LRP2: variants seen among roughly 807,000 people sequenced by gnomAD.
LRP2 encodes the protein LDL receptor related protein 2.
LRP2 carries 172 observed loss-of-function variants against 531.0 expected under a neutral mutation model. The observed-to-expected ratio is 0.32, with a 90% CI of 0.29 to 0.37. LRP2 has a LOEUF of 0.37. Among genes scored for constraint, LRP2 ranks in the 10% least tolerant of loss-of-function variants. The pLI is 1.00. For missense variants in LRP2, 5,167 were observed against 5,868.3 expected (o/e 0.88, Z 3.90); for synonymous variants, 1,992 against 2,027.6 (o/e 0.98, Z 0.47).
chr2:169,184,640 G>A (rs1687562759), intron 50 of LRP2, among the ~76,000 whole-genome samples: 1 of 152,160 alleles, frequency 6.6e-6, no homozygotes. Flanking sequence ...TCACTGGCCT[G>A]CCTTAAAGAC....
At chr2:169,175,141 T>C in intron 55 of LRP2, 52 bp downstream of exon 55, 1 of 1,559,268 alleles carries the variant, frequency 6.4e-7, no homozygotes, top group African/African-American at 1.4e-5. Flanking sequence ...ATCATGATCG[T>C]ATACAATCAA....
intron 2 of LRP2, among the ~76,000 whole-genome samples, chr2:169,320,214 G>C (rs1370094138): frequency 6.6e-6 from 1 of 152,168 alleles, no homozygotes; most frequent in East Asian, 1.9e-4. Context: ...GAATGTGAAA[G>C]TCATTTTATA....
chr2:169,221,118 A>G (rs1479776453), intron 33 of LRP2, among the ~76,000 whole-genome samples: 1 of 152,210 alleles, frequency 6.6e-6, no homozygotes, highest in Non-Finnish European at 1.5e-5. Context: ...ATCTGAGGCA[A>G]ATAAATTCAC....
intron 1 of LRP2, among the ~76,000 whole-genome samples, chr2:169,349,324 A>G (rs1194666548): frequency 6.6e-6 from 1 of 152,150 alleles, no homozygotes; most frequent in African/African-American, 2.4e-5. Context: ...GCACCATCTG[A>G]GGCAAGAGCA....
At chr2:169,350,629 C>T (rs928701094) in intron 1 of LRP2, among the ~76,000 whole-genome samples, 1 of 144,974 alleles carries the variant, frequency 6.9e-6, no homozygotes, top group African/African-American at 2.6e-5. Context: ...GAGGCTGAGG[C>T]AGGAGAATCG....
chr2:169,183,607 G>A (rs889777115), intron 50 of LRP2, among the ~76,000 whole-genome samples: 1 of 152,154 alleles, frequency 6.6e-6, no homozygotes, highest in Non-Finnish European at 1.5e-5. Flanking sequence ...CTACTCTGTT[G>A]AGCTTACTGC....
rs541553479 is a variant in LRP2 at position 169,237,681 on chromosome 2, G to T, written c.4507-394C>A. Reference sequence around the variant, plus strand: ...GAATTACAAAATAAAGTTGTAAGAGGCAGAGGAAATGTAACTATCAGGAGC... The same window carrying T: ...GAATTACAAAATAAAGTTGTAAGAGTCAGAGGAAATGTAACTATCAGGAGC... On this transcript the variant is annotated intron_variant, in intron 27 of 78. Coordinates refer to ENST00000649046, the MANE Select transcript of LRP2 (RefSeq NM_004525.3). Among the ~76,000 whole-genome samples the T allele has an allele frequency of 5.3e-5, 8 of 152,288 alleles. No homozygotes were observed. The South Asian group carries it at 1.7e-3, about 32-fold the overall frequency.
intron 16 of LRP2, among the ~76,000 whole-genome samples, chr2:169,264,155 T>C (rs1690694378): frequency 6.6e-6 from 1 of 152,056 alleles, no homozygotes; most frequent in East Asian, 1.9e-4. Flanking sequence ...GATGACGAGT[T>C]AGTGGGTGCA....
intron 4 of LRP2, among the ~76,000 whole-genome samples, chr2:169,297,730 T>C (rs76155013): frequency 0.026 from 3,999 of 152,246 alleles, 179 homozygotes; most frequent in African/African-American, 0.091. Context: ...TCTGTTTACA[T>C]AATCAGGGAG....
chr2:169,193,927 G>T, intron 46 of LRP2, 35 bp from the exon 47 acceptor site: 1 of 1,613,768 alleles, frequency 6.2e-7, no homozygotes, highest in South Asian at 1.1e-5. Context: ...GTGAAAAAAA[G>T]TGGTTTACAG....
chr2:169,188,354 T>C lies in LRP2; in HGVS notation c.9033-89A>G, dbSNP rs530197518. 5 of 1,246,426 alleles carry C rather than the reference T, an allele frequency of 4.0e-6. No individual in the cohort carries two copies. The Admixed American group carries it at 8.7e-5, about 22-fold the overall frequency. The allele number at this position is 1,246,426 out of a possible 1,614,324, so 77.2% of individuals were successfully genotyped here. ...TTGGGGTTTTGCTTCCTTCTTTATC[T>C]ACCTAAATGCCAGGTCAACCATTTC... On this transcript the variant is annotated intron_variant, in intron 48 of 78. Coordinates refer to ENST00000649046, the MANE Select transcript of LRP2 (RefSeq NM_004525.3).
At chr2:169,338,261 CAA>C (rs984352626) in intron 1 of LRP2, among the ~76,000 whole-genome samples, 5 of 111,290 alleles carry the variant, frequency 4.5e-5, no homozygotes, top group African/African-American at 1.8e-4. Flanking sequence ...GAAAGAAAAA[CAA>C]AGAAAGAAAG....
At chr2:169,359,823 A>G (rs766029126) in intron 1 of LRP2, among the ~76,000 whole-genome samples, 5 of 152,080 alleles carry the variant, frequency 3.3e-5, no homozygotes, top group Non-Finnish European at 7.4e-5. Flanking sequence ...TTTTTGTACA[A>G]AAGAAAAAAG....
At position 169,201,575 on chromosome 2, in the gene LRP2, G is replaced by C. The variant is rs1042737757; in HGVS notation, c.8452+53C>G. On this transcript the variant is annotated intron_variant, in intron 44 of 78. Transcript: ENST00000649046. ...TTTTTATATAATAATTTCATCTCCT[G>C]TGATCCAAGACTTCAGACCCAAAAT... 3.1e-6 allele frequency: 5 copies of C among 1,611,568 alleles called. No homozygotes were observed. In the African/African-American group the frequency reaches 5.3e-5, roughly 17 times the overall value.
At position 169,146,074 on chromosome 2, in the gene LRP2, T is replaced by C. The variant is rs904618876; in HGVS notation, c.12812-151A>G. On this transcript the variant is annotated intron_variant, in intron 69 of 78. Coordinates refer to ENST00000649046, the MANE Select transcript of LRP2 (RefSeq NM_004525.3). ...GCTCTGGGAATATTCAGGCTGACTTTAGCTACATGGGACTGTGAAAGTGTG... is the reference window on the plus strand; with the variant it reads ...GCTCTGGGAATATTCAGGCTGACTTCAGCTACATGGGACTGTGAAAGTGTG... 14 of 745,844 alleles carry C rather than the reference T, an allele frequency of 1.9e-5. No homozygotes were observed. In the African/African-American group the frequency reaches 2.1e-4, roughly 11 times the overall value. The allele number at this position is 745,844 out of a possible 1,614,324, so 46.2% of individuals were successfully genotyped here.
At position 169,238,293 on chromosome 2, in the gene LRP2, C is replaced by T; in HGVS notation, c.4304G>A (p.Ser1435Asn). The T allele has an allele frequency of 6.2e-7, 1 of 1,612,980 alleles. No individual in the cohort carries two copies. The highest frequency in any genetic ancestry group is 8.5e-7 in the Non-Finnish European group (1 of 1,179,004). Residue 1435 changes from serine (S) to asparagine (N), a missense_variant, in exon 27 of 79, where the codon AGT becomes AAT. Ser to Asn is a conservative substitution (Grantham distance 46, BLOSUM62 1). This residue lies in a region of LRP2 where 2,811 missense variants were observed against 3,058.0 expected (regional missense o/e 0.92). Coordinates refer to ENST00000649046, the MANE Select transcript of LRP2 (RefSeq NM_004525.3). ...GRTCKVTASE[S>N]LLLLVASQNK... Reference sequence around the variant, plus strand: ...CTGACTTGCCACAAGTAACAGCAGACTCTCAGATGCTGTTCAAGAAAAAAA... The same window carrying T: ...CTGACTTGCCACAAGTAACAGCAGATTCTCAGATGCTGTTCAAGAAAAAAA...
Position 169,156,402 on chromosome 2 carries a change from A to G in LRP2, c.12023T>C (p.Ile4008Thr). Residue 4008 changes from isoleucine (I) to threonine (T), a missense_variant, in exon 65 of 79, where the codon ATC (isoleucine) becomes ACC (threonine). Ile to Thr is a moderately conservative substitution (Grantham distance 89, BLOSUM62 -1). Coordinates refer to ENST00000649046, the MANE Select transcript of LRP2 (RefSeq NM_004525.3). The stretch of plus-strand genomic sequence containing the variant: ...AGTCCCAAATTGTTCACATTCATTG[A>G]TATCTGTAGGCAAAATAAAACCAAA... ...NVFDRTSCLD[I>T]NECEQFGTCP... 1 of 1,613,432 alleles carries G rather than the reference A, an allele frequency of 6.2e-7. No individual in the cohort carries two copies. Among genetic ancestry groups the G allele is most frequent in the East Asian group, 2.2e-5 (1 of 44,874 alleles).
intron 62 of LRP2, among the ~76,000 whole-genome samples, chr2:169,163,243 A>G (rs1342778960): frequency 6.6e-6 from 1 of 152,182 alleles, no homozygotes; most frequent in East Asian, 1.9e-4. Context: ...GCGAGGTTAG[A>G]AGATAGAATG....
chr2:169,273,040 C>T lies in LRP2; in HGVS notation c.2003G>A (p.Gly668Glu), dbSNP rs1244843714. 2 of 1,613,650 alleles carry T rather than the reference C, an allele frequency of 1.2e-6. No homozygotes were observed. The highest frequency in any genetic ancestry group is 2.2e-5 in the South Asian group (2 of 91,066). Residue 668 changes from glycine to glutamate, a missense_variant, in exon 15 of 79, where the codon GGG becomes GAG. Physicochemically the swap from Gly to Glu is moderately conservative, Grantham distance 98. Transcript: ENST00000649046. The part of the protein sequence containing the change: ...YATNPCKDNN[G>E]GCEQVCVLSH... The stretch of plus-strand genomic sequence containing the variant: ...GAGGACACAGACCTGCTCACAGCCC[C>T]CATTGTTATCTTTACACGGATTGGT...
Sources: gnomAD v4.1 joint callset for allele counts (sites outside exome capture counted in the v4.1 genomes callset) on GRCh38, gnomAD v4.1.1 for gene constraint, gnomAD v4.1.1 regional missense constraint, MANE v1.5 for transcripts, NCBI Gene and HGNC (gene_info 2026-07-23, HGNC 2026-07-21) for gene names.